Variants in TDRD9 observed in about 807,000 individuals in gnomAD.
TDRD9 encodes tudor domain containing 9.
Under a neutral mutation model 172.6 loss-of-function variants are expected in TDRD9, and 124 were observed. The ratio of observed to expected loss-of-function variants is 0.72; its 90% CI spans 0.62 to 0.83. The LOEUF (loss-of-function observed/expected upper bound fraction) is 0.83, where lower values mean the gene tolerates loss of function less well. TDRD9 is among the 40% of genes least tolerant of loss of function. The probability of loss-of-function intolerance (pLI) is 0.00; values close to 1 mark genes in which losing one functional copy is unlikely to be tolerated. For missense variants in TDRD9, 1,479 were observed against 1,714.1 expected (o/e 0.86, Z 2.42); for synonymous variants, 619 against 617.1 (o/e 1.00, Z -0.05).
chr14:103,966,057 A>G (rs2032731389), intron 4 of TDRD9, among the ~76,000 whole-genome samples: 1 of 151,014 alleles, frequency 6.6e-6, no homozygotes, highest in Non-Finnish European at 1.5e-5. Flanking sequence ...AAGGCTGGGC[A>G]TGGCGGCTCA....
intron 1 of TDRD9, chr14:103,941,960 A>T (rs1405398063): frequency 2.4e-6 from 1 of 410,128 alleles, no homozygotes; most frequent in Admixed American, 4.2e-5. Context: ...ATATAGACTG[A>T]ATGATATCCG....
chr14:103,993,234 C>A (rs1361241848), intron 9 of TDRD9, among the ~76,000 whole-genome samples: 2 of 151,996 alleles, frequency 1.3e-5, no homozygotes, highest in African/African-American at 2.4e-5. Context: ...ATGAAGTGAT[C>A]CACCTGCCTC....
intron 11 of TDRD9, among the ~76,000 whole-genome samples, chr14:103,995,224 T>C (rs556869244): frequency 6.6e-6 from 1 of 152,244 alleles, no homozygotes; most frequent in Non-Finnish European, 1.5e-5. Flanking sequence ...AGCCATATTC[T>C]AGGTCCTGCT....
intron 13 of TDRD9, among the ~76,000 whole-genome samples, chr14:103,999,710 A>G (rs2034195818): frequency 1.7e-5 from 2 of 115,998 alleles, no homozygotes; most frequent in South Asian, 2.6e-4. Context: ...ACACCCCCCA[A>G]AATAATAAAG....
At chr14:103,939,643 T>C (rs920813058) in intron 1 of TDRD9, among the ~76,000 whole-genome samples, 9 of 133,394 alleles carry the variant, frequency 6.7e-5, no homozygotes, top group African/African-American at 2.2e-4. Flanking sequence ...GTACACAAGT[T>C]GGCCAAGAAC....
chr14:104,007,096 T>C (rs766030564), intron 18 of TDRD9, 64 bp from the exon 19 acceptor site: 8 of 1,468,160 alleles, frequency 5.4e-6, no homozygotes, highest in Non-Finnish European at 7.4e-6. Context: ...TTGTTGAAAT[T>C]GTACTTAAAA....
intron 33 of TDRD9, 96 bp from the exon 34 acceptor site, chr14:104,041,973 A>G: frequency 2.4e-6 from 2 of 848,182 alleles, no homozygotes; most frequent in Non-Finnish European, 3.9e-6. Context: ...TACTGATGAC[A>G]GAGAATACTA....
intron 24 of TDRD9, 125 bp downstream of exon 24, chr14:104,022,455 TGG>T: frequency 9.6e-7 from 1 of 1,037,886 alleles, no homozygotes; most frequent in Non-Finnish European, 1.4e-6. Context: ...TGGCTGGGTG[TGG>T]GGGCTCACGC....
chr14:104,042,571 C>T (rs2035640475), intron 34 of TDRD9, among the ~76,000 whole-genome samples: 1 of 152,212 alleles, frequency 6.6e-6, no homozygotes, highest in Non-Finnish European at 1.5e-5. Flanking sequence ...AGCATTCTGA[C>T]CTGACTTCCC....
chr14:103,953,316 T>C (rs999550967), intron 1 of TDRD9, among the ~76,000 whole-genome samples: 1 of 152,132 alleles, frequency 6.6e-6, no homozygotes, highest in Non-Finnish European at 1.5e-5. Context: ...GCATCTTGAC[T>C]CTCTCAGCTG....
chr14:104,008,311 C>T (rs2034508642), intron 19 of TDRD9, 102 bp from the exon 20 acceptor site: 2 of 714,366 alleles, frequency 2.8e-6, no homozygotes, highest in Non-Finnish European at 4.9e-6. Flanking sequence ...CAGTAATTTA[C>T]ATTCATCATT....
intron 1 of TDRD9, among the ~76,000 whole-genome samples, chr14:103,932,686 C>G (rs544640630): frequency 5.9e-4 from 87 of 148,554 alleles, no homozygotes; most frequent in African/African-American, 2.0e-3. Flanking sequence ...TGCGCCCGGC[C>G]GGGAGGGATG....
At chr14:103,941,099 G>T in intron 1 of TDRD9, 1 of 1,532,120 alleles carries the variant, frequency 6.5e-7, no homozygotes, top group Non-Finnish European at 8.7e-7. Context: ...AAAACTTCTC[G>T]AAATCTAGAG....
chr14:103,928,548 G>A lies in TDRD9; in HGVS notation c.39G>A (p.Trp13Ter). ...RKLTIEQINDWFTIGKTVTNV... is the reference protein window; with the variant it reads ...RKLTIEQIND Reference sequence around the variant, plus strand: ...TCACCATCGAGCAGATCAACGACTGGTTCACCATCGGCAAGACGGTGACCA... The same window carrying A: ...TCACCATCGAGCAGATCAACGACTGATTCACCATCGGCAAGACGGTGACCA... Residue 13 changes from tryptophan to a stop codon, truncating the protein, a stop_gained, in exon 1 of 36, where the codon TGG becomes TGA. Transcript: ENST00000409874. LOFTEE classifies it high-confidence loss of function. 1 of 1,392,122 alleles carries A rather than the reference G, an allele frequency of 7.2e-7. No homozygotes were observed. Among genetic ancestry groups the A allele is most frequent in the South Asian group, 1.5e-5 (1 of 68,738 alleles). 86.2% of individuals were successfully genotyped at this position (1,392,122 alleles called of 1,614,324 possible).
At chr14:104,003,089 A>C (rs970235296) in intron 13 of TDRD9, among the ~76,000 whole-genome samples, 4 of 151,908 alleles carry the variant, frequency 2.6e-5, no homozygotes, top group Non-Finnish European at 5.9e-5. Context: ...TTAGGCATTG[A>C]TGTCACTTTG....
Position 103,999,677 on chromosome 14 carries a change from TCAAG to T in TDRD9, c.1483+950_1483+953del, listed in dbSNP as rs1306704454. 3.9e-3 allele frequency among the ~76,000 whole-genome samples: 451 copies of T among 114,844 alleles called. 119 individuals are homozygous for T. The highest frequency in any genetic ancestry group is 4.8e-3 in the East Asian group (19 of 3,926). 75.3% of individuals were successfully genotyped at this position (114,844 alleles called of 152,430 possible). ...TGGGAAGGGTAGATAAAAGACCATT[TCAAG>T]AATACTAAAATACTAAATACACCCC... On this transcript the variant is annotated intron_variant, in intron 13 of 35. Coordinates refer to ENST00000409874, the MANE Select transcript of TDRD9 (RefSeq NM_153046.3).
intron 1 of TDRD9, among the ~76,000 whole-genome samples, chr14:103,942,883 G>T (rs1425423469): frequency 1.3e-5 from 2 of 152,078 alleles, no homozygotes; most frequent in Non-Finnish European, 2.9e-5. Context: ...AATGCTAGGG[G>T]ACATAATAAA....
chr14:104,001,085 A>T (rs2034245070), intron 13 of TDRD9, among the ~76,000 whole-genome samples: 1 of 152,222 alleles, frequency 6.6e-6, no homozygotes, highest in African/African-American at 2.4e-5. Context: ...CTTGTTTCAC[A>T]ATTTTACCTG....
chr14:103,966,717 A>G lies in TDRD9; in HGVS notation c.651A>G (p.Leu217=), dbSNP rs1243498087. ...LGGVVGYQVG[L]EKIATEDTRL... The stretch of plus-strand genomic sequence containing the variant: ...TCCTTCTCCAATTTTAGGTAGGGCT[A>G]GAGAAAATAGCAACAGAGGACACCA... The change falls in exon 5 of 36, where the codon CTA becomes CTG. Residue 217 remains leucine (L), a synonymous_variant. Coordinates refer to ENST00000409874, the MANE Select transcript of TDRD9 (RefSeq NM_153046.3). 2 of 1,543,184 alleles carry G rather than the reference A, an allele frequency of 1.3e-6. No individual in the cohort carries two copies. The highest frequency in any genetic ancestry group is 1.7e-6 in the Non-Finnish European group (2 of 1,142,936).
Sources: gnomAD v4.1 joint callset for allele counts (sites outside exome capture counted in the v4.1 genomes callset) on GRCh38, gnomAD v4.1.1 for gene constraint, MANE v1.5 for transcripts, NCBI Gene and HGNC (gene_info 2026-07-23, HGNC 2026-07-21) for gene names.